NEBL: variants seen among roughly 807,000 people sequenced by gnomAD.
NEBL encodes nebulette.
A neutral mutation model predicts 140.2 loss-of-function variants in NEBL; 122 were observed. The ratio of observed to expected loss-of-function variants is 0.87; its 90% CI spans 0.75 to 1.01. The LOEUF (loss-of-function observed/expected upper bound fraction) is 1.01, where lower values mean the gene tolerates loss of function less well. Among genes scored for constraint, NEBL ranks in the 50% least tolerant of loss-of-function variants. The probability of loss-of-function intolerance (pLI) is 0.00; values close to 1 mark genes in which losing one functional copy is unlikely to be tolerated. For missense variants in NEBL, 1,365 were observed against 1,231.3 expected (o/e 1.11, Z -1.62); for synonymous variants, 436 against 398.9 (o/e 1.09, Z -1.11).
Position 20,868,310 on chromosome 10 carries a change from CTGTGTGTGTGTG to C in NEBL, c.684+342_684+353del, listed in dbSNP as rs3085048. The C allele has an allele frequency of 9.6e-5, 15 of 155,912 alleles. No individual in the cohort carries two copies. The East Asian group carries it at 2.2e-3, about 22-fold the overall frequency. 9.7% of individuals were successfully genotyped at this position (155,912 alleles called of 1,614,324 possible). A position where few individuals can be genotyped will look rare whatever the true frequency, so the allele number is the denominator to read the frequency against. On this transcript the variant is annotated intron_variant, in intron 7 of 27. Coordinates refer to ENST00000377122, the MANE Select transcript of NEBL (RefSeq NM_006393.3). ...AATATTTTTATTACTAAGTTAAAAA[CTGTGTGTGTGTG>C]TGTGTGTGTGTGTGTGTGTAGGTTA...
chr10:20,836,080 T>TTTTTTTA (rs1349572454), intron 13 of NEBL, among the ~76,000 whole-genome samples: 2 of 152,120 alleles, frequency 1.3e-5, no homozygotes, highest in Non-Finnish European at 2.9e-5. Context: ...ATATTGCATT[T>TTTTTTTA]TTTTTTACAA....
chr10:20,874,369 C>T (rs530463462), intron 5 of NEBL, among the ~76,000 whole-genome samples: 6 of 152,304 alleles, frequency 3.9e-5, no homozygotes, highest in Middle Eastern at 3.4e-3. Flanking sequence ...TTAATGAAAT[C>T]GGACAGACAC....
intron 3 of NEBL, among the ~76,000 whole-genome samples, chr10:21,196,592 G>C (rs188276271): frequency 6.6e-6 from 1 of 151,916 alleles, no homozygotes; most frequent in Admixed American, 6.6e-5. Flanking sequence ...TGATCCGCCC[G>C]CCTCAGTCTC....
At chr10:21,263,194 C>T (rs897764578) in intron 1 of NEBL, among the ~76,000 whole-genome samples, 6 of 152,316 alleles carry the variant, frequency 3.9e-5, no homozygotes, top group Admixed American at 6.5e-5. Flanking sequence ...AATCCTCATA[C>T]CACTTGAGGT....
chr10:20,835,417 T>C, intron 14 of NEBL, 96 bp downstream of exon 14: 1 of 933,320 alleles, frequency 1.1e-6, no homozygotes, highest in Admixed American at 1.7e-5. Context: ...CCAGCTGCAA[T>C]GCTTTGAGAA....
intron 19 of NEBL, among the ~76,000 whole-genome samples, chr10:20,822,680 ATATAGATATATAGAGACTATAGAT>A: frequency 6.6e-6 from 1 of 150,964 alleles, no homozygotes; most frequent in Non-Finnish European, 1.5e-5. Context: ...GACTATAGAT[ATATAGATATATAGAGACTATAGAT>A]ACGTATATAT....
At chr10:21,204,418 G>C (rs575822140) in intron 3 of NEBL, among the ~76,000 whole-genome samples, 2 of 152,238 alleles carry the variant, frequency 1.3e-5, no homozygotes, top group South Asian at 4.2e-4. Context: ...AGACAGTAGA[G>C]ACCTTTCTCT....
intron 12 of NEBL, among the ~76,000 whole-genome samples, chr10:20,842,871 C>G (rs978144968): frequency 2.0e-5 from 3 of 152,040 alleles, no homozygotes; most frequent in Non-Finnish European, 2.9e-5. Context: ...TGCCATTCCT[C>G]CCACCCTCCA....
At chr10:20,927,203 C>A (rs569342708) in intron 4 of NEBL, among the ~76,000 whole-genome samples, 1 of 152,146 alleles carries the variant, frequency 6.6e-6, no homozygotes, top group African/African-American at 2.4e-5. Context: ...AGGAATGGAC[C>A]ATGAGTTCAA....
intron 4 of NEBL, among the ~76,000 whole-genome samples, chr10:20,885,448 T>C (rs998244148): frequency 6.6e-6 from 1 of 152,244 alleles, no homozygotes; most frequent in Non-Finnish European, 1.5e-5. Context: ...TGAGTACATA[T>C]GCACCTTTCC....
chr10:21,168,566 A>G (rs757857863), intron 2 of NEBL, among the ~76,000 whole-genome samples: 1 of 152,212 alleles, frequency 6.6e-6, no homozygotes, highest in Non-Finnish European at 1.5e-5. Context: ...TTCTTAGGAC[A>G]ATGGGGGAAA....
chr10:20,887,622 G>A (rs2131358078), intron 4 of NEBL, among the ~76,000 whole-genome samples: 1 of 152,052 alleles, frequency 6.6e-6, no homozygotes, highest in South Asian at 2.1e-4. Context: ...TTGCCATGTT[G>A]CCCAGGCTTG....
At chr10:21,017,893 G>A (rs11012488) in intron 3 of NEBL, among the ~76,000 whole-genome samples, 8,488 of 150,894 alleles carry the variant, frequency 0.056, 337 homozygotes, top group East Asian at 0.2. Flanking sequence ...GCACGATCTC[G>A]GCTCACTGCA....
intron 3 of NEBL, among the ~76,000 whole-genome samples, chr10:20,975,833 T>C (rs760855681): frequency 2.0e-5 from 3 of 152,128 alleles, no homozygotes; most frequent in Admixed American, 6.5e-5. Flanking sequence ...TCCATATAGA[T>C]ATATATGTGG....
intron 4 of NEBL, among the ~76,000 whole-genome samples, chr10:20,914,038 T>C (rs201878523): frequency 6.6e-6 from 1 of 152,324 alleles, no homozygotes; most frequent in East Asian, 1.9e-4. Context: ...TTCAACCTCC[T>C]CTGCACAGAC....
intron 4 of NEBL, among the ~76,000 whole-genome samples, chr10:20,916,950 C>T (rs992191370): frequency 6.6e-6 from 1 of 151,938 alleles, no homozygotes; most frequent in African/African-American, 2.4e-5. Flanking sequence ...AAAAAGAAAA[C>T]TTTACAAAGC....
At chr10:21,146,351 T>C in intron 2 of NEBL, 1 of 1,612,326 alleles carries the variant, frequency 6.2e-7, no homozygotes, top group Non-Finnish European at 8.5e-7. Context: ...CCTGTTCATG[T>C]CTGGAATGTA....
intron 1 of NEBL, among the ~76,000 whole-genome samples, chr10:21,252,209 G>T (rs1842596442): frequency 6.6e-6 from 1 of 152,224 alleles, no homozygotes; most frequent in Admixed American, 6.5e-5. Flanking sequence ...CAATAGTCTT[G>T]CTGTGGACTC....
At chr10:21,057,944 C>T (rs1005057193) in intron 2 of NEBL, among the ~76,000 whole-genome samples, 2 of 152,122 alleles carry the variant, frequency 1.3e-5, no homozygotes, top group Admixed American at 1.3e-4. Context: ...ATCATATAAT[C>T]GTGAACACCA....
Sources: gnomAD v4.1 joint callset for allele counts (sites outside exome capture counted in the v4.1 genomes callset) on GRCh38, gnomAD v4.1.1 for gene constraint, MANE v1.5 for transcripts, NCBI Gene and HGNC (gene_info 2026-07-23, HGNC 2026-07-21) for gene names.